Variants in NTM observed in about 807,000 individuals in gnomAD.
The protein encoded by NTM is neurotrimin.
NTM carries 13 observed loss-of-function variants against 42.1 expected under a neutral mutation model. That is an observed-to-expected ratio of 0.31 (90% CI 0.20 to 0.49). The LOEUF (loss-of-function observed/expected upper bound fraction) is 0.49. NTM is among the 20% of genes least tolerant of loss of function. The pLI, the probability that NTM is intolerant of heterozygous loss-of-function variation, is 0.99. For synonymous variants in NTM, 187 were observed against 179.2 expected (o/e 1.04, Z -0.35); for missense variants, 373 against 452.8 (o/e 0.82, Z 1.60).
At chr11:132,031,628 G>C (rs927895586) in intron 2 of NTM, among the ~76,000 whole-genome samples, 1 of 152,088 alleles carries the variant, frequency 6.6e-6, no homozygotes, top group Non-Finnish European at 1.5e-5. Flanking sequence ...GTTGAGGGCA[G>C]GGAATCTGGA....
intron 2 of NTM, among the ~76,000 whole-genome samples, chr11:131,996,337 A>G (rs1199204002): frequency 6.6e-6 from 1 of 152,156 alleles, no homozygotes; most frequent in Non-Finnish European, 1.5e-5. Flanking sequence ...CCTGACACAC[A>G]TGTAGAGTAA....
chr11:132,121,588 A>G (rs923043315), intron 2 of NTM, among the ~76,000 whole-genome samples: 1 of 152,130 alleles, frequency 6.6e-6, no homozygotes, highest in African/African-American at 2.4e-5. Flanking sequence ...CTTTGACCTA[A>G]GAAATCCTCT....
At chr11:131,819,642 C>T (rs979570791) in intron 1 of NTM, among the ~76,000 whole-genome samples, 1 of 152,196 alleles carries the variant, frequency 6.6e-6, no homozygotes, top group Non-Finnish European at 1.5e-5. Context: ...ATAAACAGCA[C>T]TAGCCAGCAT....
At chr11:131,834,625 C>CGTATATATAT (rs1555148242) in intron 1 of NTM, among the ~76,000 whole-genome samples, 1 of 133,986 alleles carries the variant, frequency 7.5e-6, no homozygotes, top group Admixed American at 8.0e-5. Context: ...TATACATATA[C>CGTATATATAT]ATATATATAT....
At chr11:131,830,892 G>A (rs1410478157) in intron 1 of NTM, among the ~76,000 whole-genome samples, 1 of 151,996 alleles carries the variant, frequency 6.6e-6, no homozygotes, top group African/African-American at 2.4e-5. Context: ...CACCTCCTTG[G>A]TGAGCTGTAT....
At chr11:131,618,076 T>C (rs1221501647) in intron 1 of NTM, among the ~76,000 whole-genome samples, 1 of 152,206 alleles carries the variant, frequency 6.6e-6, no homozygotes, top group East Asian at 1.9e-4. Context: ...CCAGAAAGGC[T>C]TGAGGCTGCT....
At position 131,731,441 on chromosome 11, in the gene NTM, C is replaced by T. The variant is rs1426909236; in HGVS notation, c.83-180123C>T. Among the ~76,000 whole-genome samples, 3 of 152,288 alleles carry T rather than the reference C, an allele frequency of 2.0e-5. No homozygotes were observed. In the South Asian group the frequency reaches 6.2e-4, roughly 32 times the overall value. On this transcript the variant is annotated intron_variant, in intron 1 of 8. Coordinates refer to ENST00000683400, the MANE Select transcript of NTM (RefSeq NM_001352005.2). Reference sequence around the variant, plus strand: ...TTCCTTGTATATGATGTTATTTAATCAGCTCCAAATTCCTCTAGAAAAGGC... The same window carrying T: ...TTCCTTGTATATGATGTTATTTAATTAGCTCCAAATTCCTCTAGAAAAGGC...
At chr11:131,922,855 C>T (rs976641217) in intron 2 of NTM, among the ~76,000 whole-genome samples, 29 of 152,178 alleles carry the variant, frequency 1.9e-4, no homozygotes, top group Non-Finnish European at 3.5e-4. Context: ...TTTTTAATCG[C>T]CTGGTGCCTA....
At chr11:131,882,487 GAAT>G (rs1234190928) in intron 1 of NTM, among the ~76,000 whole-genome samples, 1 of 152,314 alleles carries the variant, frequency 6.6e-6, no homozygotes, top group East Asian at 1.9e-4. Context: ...ATGACATCTG[GAAT>G]AATATTTAAT....
chr11:132,061,559 T>C (rs1364426198), intron 2 of NTM, among the ~76,000 whole-genome samples: 1 of 152,226 alleles, frequency 6.6e-6, no homozygotes, highest in Non-Finnish European at 1.5e-5. Flanking sequence ...AATTGAATTG[T>C]ATTGAATGAT....
At chr11:131,996,847 T>C (rs1353117857) in intron 2 of NTM, among the ~76,000 whole-genome samples, 1 of 152,266 alleles carries the variant, frequency 6.6e-6, no homozygotes, top group Admixed American at 6.5e-5. Context: ...CCAGCCTGCA[T>C]TCTGAAGCAT....
chr11:131,634,893 G>A (rs1317094218), intron 1 of NTM, among the ~76,000 whole-genome samples: 1 of 152,174 alleles, frequency 6.6e-6, no homozygotes, highest in Admixed American at 6.5e-5. Flanking sequence ...CCTTGTAGGA[G>A]TTAGATTTGG....
chr11:131,971,029 A>G lies in NTM; in HGVS notation c.167+59381A>G, dbSNP rs142416172. 4.3e-4 allele frequency among the ~76,000 whole-genome samples: 66 copies of G among 152,340 alleles called. No homozygotes were observed. The East Asian group carries it at 5.8e-3, about 13-fold the overall frequency. ...ATTCCCCTCTAACCCAAACAAGCCT[A>G]TGACAAACAACCCTTTACAAACCAA... is the stretch of plus-strand genomic sequence containing the variant. On this transcript the variant is annotated intron_variant, in intron 2 of 8. Transcript: ENST00000683400.
intron 1 of NTM, among the ~76,000 whole-genome samples, chr11:131,844,459 C>T (rs2044673742): frequency 6.6e-6 from 1 of 152,156 alleles, no homozygotes; most frequent in African/African-American, 2.4e-5. Flanking sequence ...ATTCGTGATA[C>T]TTTGTTCATC....
chr11:131,609,548 G>A (rs12365872), intron 1 of NTM, among the ~76,000 whole-genome samples: 2,941 of 152,252 alleles, frequency 0.019, 47 homozygotes, highest in Middle Eastern at 0.048. Flanking sequence ...TCGCAGGCTT[G>A]GACTTAATCC....
intron 1 of NTM, among the ~76,000 whole-genome samples, chr11:131,550,141 G>C (rs1035252982): frequency 6.6e-6 from 1 of 152,212 alleles, no homozygotes; most frequent in Non-Finnish European, 1.5e-5. Context: ...AATAGATAAC[G>C]ACATTAAATG....
intron 2 of NTM, among the ~76,000 whole-genome samples, chr11:132,082,552 C>A (rs1207465916): frequency 1.3e-5 from 2 of 152,222 alleles, no homozygotes; most frequent in Admixed American, 1.3e-4. Context: ...ATTAGGCAAG[C>A]CCCCTCTGCA....
chr11:131,769,685 A>G lies in NTM; in HGVS notation c.83-141879A>G, dbSNP rs566013506. 16 of 504,214 alleles carry G rather than the reference A, an allele frequency of 3.2e-5. No homozygotes were observed. In the African/African-American group the frequency reaches 3.3e-4, roughly 10 times the overall value. The allele number at this position is 504,214 out of a possible 1,614,324, so 31.2% of individuals were successfully genotyped here. ...ACGAGGCAACCGGGAGATTCAGAGCATTGGTGAGAAGCACACAAGGCGGCA... is the reference window on the plus strand; with the variant it reads ...ACGAGGCAACCGGGAGATTCAGAGCGTTGGTGAGAAGCACACAAGGCGGCA... On this transcript the variant is annotated intron_variant, in intron 1 of 8. Transcript: ENST00000683400.
chr11:131,547,123 C>T (rs1330426197), intron 1 of NTM, among the ~76,000 whole-genome samples: 1 of 152,136 alleles, frequency 6.6e-6, no homozygotes, highest in Admixed American at 6.5e-5. Context: ...GTTATTTCAG[C>T]CATGACCTAC....
Sources: gnomAD v4.1 joint callset for allele counts (sites outside exome capture counted in the v4.1 genomes callset) on GRCh38, gnomAD v4.1.1 for gene constraint, MANE v1.5 for transcripts, NCBI Gene and HGNC (gene_info 2026-07-23, HGNC 2026-07-21) for gene names.